NSMCE2: variants seen among roughly 807,000 people sequenced by gnomAD.
The protein encoded by NSMCE2 is E3 SUMO-protein ligase NSE2.
In NSMCE2, 24 loss-of-function variants were observed where a neutral mutation model predicts 23.8. That is an observed-to-expected ratio of 1.01 (90% confidence interval 0.73 to 1.42). The LOEUF (loss-of-function observed/expected upper bound fraction) is 1.42. NSMCE2 is among the 40% of genes most tolerant of loss of function. The pLI, the probability that NSMCE2 is intolerant of heterozygous loss-of-function variation, is 0.00. For missense variants in NSMCE2, 284 were observed against 296.5 expected (o/e 0.96, Z 0.31); for synonymous variants, 92 against 94.1 (o/e 0.98, Z 0.13).
chr8:125,114,789 A>G (rs1818918002), intron 3 of NSMCE2, among the ~76,000 whole-genome samples: 1 of 152,234 alleles, frequency 6.6e-6, no homozygotes, highest in South Asian at 2.1e-4. Context: ...ATATACACAT[A>G]CATACACATA....
intron 4 of NSMCE2, among the ~76,000 whole-genome samples, chr8:125,164,564 G>C (rs535145228): frequency 6.6e-6 from 1 of 152,250 alleles, no homozygotes; most frequent in African/African-American, 2.4e-5. Context: ...GTGTGTTAGA[G>C]AGGGATTCTA....
chr8:125,102,925 A>T (rs1037467197), intron 3 of NSMCE2, among the ~76,000 whole-genome samples: 6 of 152,232 alleles, frequency 3.9e-5, no homozygotes, highest in Non-Finnish European at 8.8e-5. Context: ...GAAAAGTTCA[A>T]CTTTAATGAA....
intron 5 of NSMCE2, among the ~76,000 whole-genome samples, chr8:125,336,053 A>G: frequency 6.6e-6 from 1 of 152,192 alleles, no homozygotes; most frequent in Non-Finnish European, 1.5e-5. Context: ...CTTGTAATAA[A>G]GGGAGAAGAG....
chr8:125,168,217 G>A (rs747450486), intron 4 of NSMCE2, among the ~76,000 whole-genome samples: 2 of 152,152 alleles, frequency 1.3e-5, no homozygotes, highest in African/African-American at 2.4e-5. Flanking sequence ...GAATGGCAGC[G>A]AAACACTGTT....
intron 5 of NSMCE2, among the ~76,000 whole-genome samples, chr8:125,235,244 TAA>T (rs60442484): frequency 1.3e-4 from 18 of 141,370 alleles, no homozygotes; most frequent in South Asian, 2.2e-4. Flanking sequence ...CCATCTCAAT[TAA>T]AAAAAAAAAA....
chr8:125,330,538 C>T (rs1440226614), intron 5 of NSMCE2, among the ~76,000 whole-genome samples: 2 of 152,112 alleles, frequency 1.3e-5, no homozygotes, highest in Non-Finnish European at 2.9e-5. Flanking sequence ...TCTTGCCAAT[C>T]CCCAACCTCA....
At position 125,151,268 on chromosome 8, in the gene NSMCE2, A is replaced by G. The variant is rs1821014484; in HGVS notation, c.255A>G (p.Thr85=). The G allele has an allele frequency of 1.3e-6, 2 of 1,562,586 alleles. No homozygotes were observed. Among genetic ancestry groups the G allele is most frequent in the African/African-American group, 1.4e-5 (1 of 73,998 alleles). ...ATTATGTAAAGGCTGTTCAATCTAC[A>G]ATAAATCATGTAAGTTTATACCACT... ...LNHYVKAVQS[T]INHVKEERPE... Residue 85 remains threonine, a synonymous_variant, in exon 4 of 8, where the codon ACA becomes ACG. Coordinates refer to ENST00000287437, the MANE Select transcript of NSMCE2 (RefSeq NM_173685.4).
intron 5 of NSMCE2, among the ~76,000 whole-genome samples, chr8:125,317,406 A>G (rs922191158): frequency 6.6e-6 from 1 of 152,006 alleles, no homozygotes; most frequent in Non-Finnish European, 1.5e-5. Context: ...CATGTTGCCT[A>G]GGCTTGTCTT....
intron 3 of NSMCE2, among the ~76,000 whole-genome samples, chr8:125,105,349 G>A (rs532870017): frequency 6.6e-5 from 10 of 152,176 alleles, no homozygotes; most frequent in African/African-American, 2.4e-4. Flanking sequence ...CTGGATAAAA[G>A]TCATAATAAA....
intron 5 of NSMCE2, among the ~76,000 whole-genome samples, chr8:125,353,699 A>G (rs1307937736): frequency 1.3e-5 from 2 of 151,922 alleles, no homozygotes; most frequent in Admixed American, 6.5e-5. Context: ...CGTGGCCAAC[A>G]TGGCGAAACC....
intron 3 of NSMCE2, among the ~76,000 whole-genome samples, chr8:125,133,671 G>A (rs1819891779): frequency 6.6e-6 from 1 of 151,834 alleles, no homozygotes; most frequent in African/African-American, 2.4e-5. Context: ...TTGAACCTGG[G>A]AGGCAGAGGT....
intron 5 of NSMCE2, among the ~76,000 whole-genome samples, chr8:125,211,088 C>G (rs1267817950): frequency 6.6e-6 from 1 of 152,144 alleles, no homozygotes; most frequent in Non-Finnish European, 1.5e-5. Flanking sequence ...TTAACCACTC[C>G]TGCCCAAGAC....
intron 5 of NSMCE2, among the ~76,000 whole-genome samples, chr8:125,194,290 G>T (rs1823500760): frequency 6.6e-6 from 1 of 152,030 alleles, no homozygotes; most frequent in Non-Finnish European, 1.5e-5. Context: ...CCACTGTTTT[G>T]TTTTTTCTAT....
chr8:125,107,553 A>G (rs2130399046), intron 3 of NSMCE2, among the ~76,000 whole-genome samples: 1 of 152,272 alleles, frequency 6.6e-6, no homozygotes, highest in South Asian at 2.1e-4. Flanking sequence ...GGTAGAGAGG[A>G]ATACAATGAT....
chr8:125,346,923 G>A (rs554962465), intron 5 of NSMCE2, among the ~76,000 whole-genome samples: 1 of 152,256 alleles, frequency 6.6e-6, no homozygotes, highest in Non-Finnish European at 1.5e-5. Flanking sequence ...ACATGAAAGG[G>A]TATATCTTAC....
In NSMCE2 at chr8:125,130,279, G is replaced by A. The variant is rs185102814; in HGVS notation, c.158-20892G>A. 229 of 456,058 alleles carry A rather than the reference G, an allele frequency of 5.0e-4. 1 individual carries two copies. Among genetic ancestry groups the A allele is most frequent in the African/African-American group, 4.0e-3 (202 of 50,166 alleles). The allele number at this position is 456,058 out of a possible 1,614,324, so 28.3% of individuals were successfully genotyped here. On this transcript the variant is annotated intron_variant, in intron 3 of 7. Coordinates refer to ENST00000287437, the MANE Select transcript of NSMCE2 (RefSeq NM_173685.4). Reference sequence around the variant, plus strand: ...TCACGTCATATCAAAGCTAGTGCAAGTCATCAACATGACCAGTAATGTCAA... The same window carrying A: ...TCACGTCATATCAAAGCTAGTGCAAATCATCAACATGACCAGTAATGTCAA...
intron 1 of NSMCE2, among the ~76,000 whole-genome samples, chr8:125,097,064 C>T (rs1056336964): frequency 6.6e-6 from 1 of 152,094 alleles, no homozygotes; most frequent in Non-Finnish European, 1.5e-5. Context: ...TAAAATGTCT[C>T]AACTTGTTTG....
intron 5 of NSMCE2, among the ~76,000 whole-genome samples, chr8:125,238,806 T>G (rs1300308140): frequency 6.6e-6 from 1 of 152,246 alleles, no homozygotes; most frequent in Non-Finnish European, 1.5e-5. Flanking sequence ...TTAAAAATTC[T>G]TAATTGTTCT....
At chr8:125,318,147 G>T (rs983764784) in intron 5 of NSMCE2, among the ~76,000 whole-genome samples, 1 of 152,190 alleles carries the variant, frequency 6.6e-6, no homozygotes, top group Non-Finnish European at 1.5e-5. Flanking sequence ...AGTGGCACAC[G>T]CCTGTAATCC....
Sources: allele counts gnomAD v4.1 joint callset (sites outside exome capture counted in the v4.1 genomes callset), GRCh38; gene constraint gnomAD v4.1.1; transcripts MANE v1.5; gene names NCBI Gene and HGNC (gene_info 2026-07-23, HGNC 2026-07-21).